Variants in CABP1 observed in about 807,000 individuals in gnomAD.
CABP1 encodes the protein calcium-binding protein 1.
Under a neutral mutation model 34.3 loss-of-function variants are expected in CABP1, and 17 were observed. The ratio of observed to expected loss-of-function variants is 0.50; its 90% CI spans 0.34 to 0.74. The LOEUF (loss-of-function observed/expected upper bound fraction) is 0.74, where lower values mean the gene tolerates loss of function less well. Ranked by LOEUF, CABP1 falls within the 30% of genes least tolerant of loss-of-function variation. The pLI is 0.01. For missense variants in CABP1, 373 were observed against 511.1 expected (o/e 0.73, Z 2.61); for synonymous variants, 198 against 229.2 (o/e 0.86, Z 1.23).
intron 1 of CABP1, chr12:120,655,450 A>G (rs941301980): frequency 3.9e-6 from 3 of 767,620 alleles, no homozygotes; most frequent in African/African-American, 3.7e-5. Context: ...AGGAGGGGGC[A>G]TGTTTCCACT....
intron 1 of CABP1, chr12:120,650,456 C>T: frequency 7.0e-7 from 1 of 1,437,534 alleles, no homozygotes; most frequent in Non-Finnish European, 9.1e-7. Context: ...AATCGGAGAG[C>T]AGGAGCAGGC....
downstream of CABP1, among the ~76,000 whole-genome samples, chr12:120,672,179 C>T (rs1881272340): frequency 6.6e-6 from 1 of 152,074 alleles, no homozygotes; most frequent in African/African-American, 2.4e-5. Flanking sequence ...TCTGATCATG[C>T]CTTGAGATCC....
intron 1 of CABP1, among the ~76,000 whole-genome samples, chr12:120,642,484 G>A (rs1879381381): frequency 6.6e-6 from 1 of 152,224 alleles, no homozygotes; most frequent in African/African-American, 2.4e-5. Context: ...GAAGGCAGCC[G>A]CACATGGATT....
At chr12:120,665,638 G>A (rs1371842909) in intron 5 of CABP1, among the ~76,000 whole-genome samples, 3 of 152,072 alleles carry the variant, frequency 2.0e-5, no homozygotes, top group Non-Finnish European at 4.4e-5. Flanking sequence ...TGGTGTGGGA[G>A]GCTATGCGTA....
At position 120,641,499 on chromosome 12, in the gene CABP1, C is replaced by T. The variant is rs1434806418; in HGVS notation, c.654+160C>T. 8.1e-6 allele frequency: 6 copies of T among 737,642 alleles called. No individual in the cohort carries two copies. Among genetic ancestry groups the T allele is most frequent in the Non-Finnish European group, 1.9e-6 (1 of 537,554 alleles). 45.7% of individuals were successfully genotyped at this position (737,642 alleles called of 1,614,324 possible). On this transcript the variant is annotated intron_variant, in intron 1 of 5. Coordinates refer to ENST00000316803, the MANE Select transcript of CABP1 (RefSeq NM_001033677.2). This position sits in a 1 kb window ranked among gnomAD's most constrained non-coding sequence, Gnocchi z 6.7. ...CGGGCCGGCGCCCTTGCCGGCACTC[C>T]TCCTCCCCGTGCCTGATTCAGCACC... is the stretch of plus-strand genomic sequence containing the variant.
intron 1 of CABP1, chr12:120,656,244 G>T (rs759280001): frequency 1.9e-6 from 3 of 1,575,974 alleles, no homozygotes; most frequent in East Asian, 4.5e-5. Flanking sequence ...ATTTTCCTGC[G>T]CAAGGGCTTC....
At chr12:120,642,184 C>T (rs1320208115) in intron 1 of CABP1, among the ~76,000 whole-genome samples, 1 of 152,094 alleles carries the variant, frequency 6.6e-6, no homozygotes, top group African/African-American at 2.4e-5. Flanking sequence ...TCCCCTAGTT[C>T]GGAGTCTGTA....
Position 120,641,255 on chromosome 12 carries a change from CG to C in CABP1, c.574del (p.Asp192ThrfsTer84). On this transcript the variant is annotated frameshift_variant, in exon 1 of 6. Transcript: ENST00000316803. LOFTEE classifies it high-confidence loss of function. This position sits in a 1 kb window ranked among gnomAD's most constrained non-coding sequence, Gnocchi z 6.7. ...GGGGCTCTCTGCGAGCCCGGGGCCG[CG>C]GGGACTCCGTTCCAGCCGCCGCGTC... ...LRGSLRARGR[G>X]DSVPAAASEA... 4 of 1,296,180 alleles carry C rather than the reference CG, an allele frequency of 3.1e-6. No homozygotes were observed. Among genetic ancestry groups the C allele is most frequent in the South Asian group, 2.4e-5 (1 of 42,348 alleles). The allele number at this position is 1,296,180 out of a possible 1,614,324, so 80.3% of individuals were successfully genotyped here. A position where few individuals can be genotyped will look rare whatever the true frequency, so the allele number is the denominator to read the frequency against.
At chr12:120,668,795 TAGAC>T (rs1038709143), downstream of CABP1, among the ~76,000 whole-genome samples, 2 of 152,196 alleles carry the variant, frequency 1.3e-5, no homozygotes, top group East Asian at 1.9e-4. Flanking sequence ...TGTCGAGTCT[TAGAC>T]AGGCTTGGAG....
chr12:120,679,091 A>AAAAAAC, the CABP1 span, among the ~76,000 whole-genome samples: 1 of 151,074 alleles, frequency 6.6e-6, no homozygotes, highest in African/African-American at 2.5e-5. Context: ...AAAAAAAAAA[A>AAAAAAC]AACCAACTTT....
At chr12:120,662,074 C>G (rs1007185844) in intron 5 of CABP1, 2 of 152,302 alleles carry the variant, frequency 1.3e-5, no homozygotes, top group Admixed American at 6.6e-5. Context: ...TCATCTATAT[C>G]CATCTACTCA....
At chr12:120,680,009 T>C in the CABP1 span, among the ~76,000 whole-genome samples, 1 of 151,938 alleles carries the variant, frequency 6.6e-6, no homozygotes, top group East Asian at 1.9e-4. Flanking sequence ...CCATCTCTAC[T>C]AGAAGTACAA....
intron 1 of CABP1, among the ~76,000 whole-genome samples, chr12:120,648,774 G>A (rs528210638): frequency 1.4e-3 from 214 of 152,044 alleles, no homozygotes; most frequent in African/African-American, 5.0e-3. Context: ...CTAGCTACTC[G>A]GGAGGCTGAG....
At chr12:120,672,592 A>G in the CABP1 span, among the ~76,000 whole-genome samples, 2 of 129,192 alleles carry the variant, frequency 1.5e-5, no homozygotes, top group Non-Finnish European at 3.2e-5. Flanking sequence ...AGATAGCGCC[A>G]TTGCACTCCA....
At chr12:120,676,937 A>T in the CABP1 span, among the ~76,000 whole-genome samples, 1 of 152,098 alleles carries the variant, frequency 6.6e-6, no homozygotes, top group African/African-American at 2.4e-5. Flanking sequence ...CTGGGAGATG[A>T]TGATATAGGC....
chr12:120,668,463 A>T (rs534523193), downstream of CABP1, among the ~76,000 whole-genome samples: 5 of 152,078 alleles, frequency 3.3e-5, no homozygotes, highest in African/African-American at 1.2e-4. Flanking sequence ...GACTCCGTCT[A>T]AAAAAAGAAA....
chr12:120,659,860 C>T lies in CABP1; in HGVS notation c.655-18C>T. 6.2e-7 allele frequency: 1 copy of T among 1,612,326 alleles called. No homozygotes were observed. Among genetic ancestry groups the T allele is most frequent in the Non-Finnish European group, 8.5e-7 (1 of 1,179,482 alleles). On this transcript the variant is annotated intron_variant, in intron 1 of 5. Transcript: ENST00000316803. ...AGGTCCCTTGTCGCGGCTAATAGGA[C>T]ATGTTCTTTTGTTTCAGGATAGATC...
chr12:120,660,649 G>T lies in CABP1; in HGVS notation c.830-82G>T. ...CTATCTGATGAGCAGGTCAAGGAGGGGTTGTCCATTCTGTCAGTTGTCTAG... is the reference window on the plus strand; with the variant it reads ...CTATCTGATGAGCAGGTCAAGGAGGTGTTGTCCATTCTGTCAGTTGTCTAG... On this transcript the variant is annotated intron_variant, in intron 3 of 5. Transcript: ENST00000316803. This position sits in a 1 kb window ranked among gnomAD's most constrained non-coding sequence, Gnocchi z 5.0. 1 of 938,372 alleles carries T rather than the reference G, an allele frequency of 1.1e-6. No individual in the cohort carries two copies. The highest frequency in any genetic ancestry group is 1.8e-6 in the Non-Finnish European group (1 of 569,788). 58.1% of individuals were successfully genotyped at this position (938,372 alleles called of 1,614,324 possible).
Position 120,650,048 on chromosome 12 carries a change from TGTGC to T in CABP1, c.654+8711_654+8714del, listed in dbSNP as rs200874845. The T allele has an allele frequency of 7.7e-5, 11 of 142,652 alleles. No individual in the cohort carries two copies. The South Asian group carries it at 9.2e-4, about 12-fold the overall frequency. The allele number at this position is 142,652 out of a possible 1,614,324, so 8.8% of individuals were successfully genotyped here. A position where few individuals can be genotyped will look rare whatever the true frequency, so the allele number is the denominator to read the frequency against. On this transcript the variant is annotated intron_variant, in intron 1 of 5. Transcript: ENST00000316803. ...GTGCATGCACGTTTGTGTGTGTGTG[TGTGC>T]GCGCGCGCACACACACAAGGCTGGG...
Sources: allele counts gnomAD v4.1 joint callset (sites outside exome capture counted in the v4.1 genomes callset), GRCh38; gene constraint gnomAD v4.1.1; non-coding constraint Gnocchi (gnomAD v3.1); transcripts MANE v1.5; gene names NCBI Gene and HGNC (gene_info 2026-07-23, HGNC 2026-07-21).